Variants in IKZF1 observed in about 807,000 individuals in gnomAD.
IKZF1 encodes DNA-binding protein Ikaros.
In IKZF1, 10 loss-of-function variants were observed where a neutral mutation model predicts 51.7. The ratio of observed to expected loss-of-function variants is 0.19; its 90% CI spans 0.12 to 0.33. IKZF1 has a LOEUF of 0.33. Among genes scored for constraint, IKZF1 ranks in the 10% least tolerant of loss-of-function variants. IKZF1 has a pLI of 1.00. For missense variants in IKZF1, 484 were observed against 707.5 expected, an observed-to-expected ratio of 0.68 and a Z score of 3.58; for synonymous variants, 280 against 282.3, an observed-to-expected ratio of 0.99 and a Z score of 0.08.
At chr7:50,383,222 C>T (rs1812362193) in intron 5 of IKZF1, among the ~76,000 whole-genome samples, 1 of 152,190 alleles carries the variant, frequency 6.6e-6, no homozygotes, top group Admixed American at 6.5e-5. Flanking sequence ...CACCAAAAAC[C>T]AGCCAAGGCC....
In IKZF1 at chr7:50,350,305, C is replaced by A. The variant is rs529778821; in HGVS notation, c.160+22548C>A. Among the ~76,000 whole-genome samples, 3 of 152,348 alleles carry A rather than the reference C, an allele frequency of 2.0e-5. No individual in the cohort carries two copies. In the East Asian group the frequency reaches 5.8e-4, roughly 29 times the overall value. Reference sequence around the variant, plus strand: ...GTGGAGCCCAGCTCCAGAGGCTGGTCCCTGACTCTGTTTCTCAAGAAGCCT... The same window carrying A: ...GTGGAGCCCAGCTCCAGAGGCTGGTACCTGACTCTGTTTCTCAAGAAGCCT... On this transcript the variant is annotated intron_variant, in intron 3 of 7. Coordinates refer to ENST00000331340, the MANE Select transcript of IKZF1 (RefSeq NM_006060.6).
At chr7:50,372,439 T>A (rs1362352869) in intron 3 of IKZF1, among the ~76,000 whole-genome samples, 15 of 152,344 alleles carry the variant, frequency 9.8e-5, no homozygotes, top group Non-Finnish European at 4.4e-5. Context: ...TTAGAAGTTG[T>A]CCGAATAGTG....
chr7:50,361,543 G>A (rs1805235667), intron 3 of IKZF1, among the ~76,000 whole-genome samples: 1 of 152,150 alleles, frequency 6.6e-6, no homozygotes, highest in South Asian at 2.1e-4. Context: ...TCCAACCTCA[G>A]GATCCAGGAA....
intron 3 of IKZF1, among the ~76,000 whole-genome samples, chr7:50,335,350 T>C (rs1797424926): frequency 6.7e-6 from 1 of 148,250 alleles, no homozygotes; most frequent in African/African-American, 2.5e-5. Context: ...GTGTGTTGTG[T>C]ATGTGTGTGT....
At chr7:50,308,824 C>T (rs886245022) in intron 1 of IKZF1, 1 of 152,296 alleles carries the variant, frequency 6.6e-6, no homozygotes, top group Non-Finnish European at 1.5e-5. Context: ...GAGGGGAACT[C>T]CGAGCAGCCC....
intron 1 of IKZF1, among the ~76,000 whole-genome samples, chr7:50,317,830 T>C (rs1791978700): frequency 1.3e-5 from 2 of 152,174 alleles, no homozygotes; most frequent in Admixed American, 1.3e-4. Flanking sequence ...TTCAGCCTAA[T>C]TGAGAGGGTA....
In IKZF1 at chr7:50,356,919, A is replaced by C. The variant is rs534778627; in HGVS notation, c.161-19614A>C. The stretch of plus-strand genomic sequence containing the variant: ...AGGGCGGAAGATCACGGGGTGGCAG[A>C]AGGCCCGACTGTCCGGTCTTCTGGA... On this transcript the variant is annotated intron_variant, in intron 3 of 7. Coordinates refer to ENST00000331340, the MANE Select transcript of IKZF1 (RefSeq NM_006060.6). 9.3e-5 allele frequency among the ~76,000 whole-genome samples: 14 copies of C among 150,596 alleles called. No individual in the cohort carries two copies. The South Asian group carries it at 1.7e-3, about 18-fold the overall frequency.
rs114837302 is a variant in IKZF1, at chr7:50,402,053, C to T, written c.*1426C>T. The stretch of plus-strand genomic sequence containing the variant: ...CAAATGGCACTGCAGGTGAGAACCC[C>T]GCCCATCCGTGCTATGACATGGAGG... On this transcript the variant is annotated 3_prime_UTR_variant, in exon 8 of 8. Transcript: ENST00000331340. 8.1e-3 allele frequency: 1,876 copies of T among 230,200 alleles called. 42 individuals carry two copies. The highest frequency in any genetic ancestry group is 0.039 in the African/African-American group (1,780 of 45,260). The allele number at this position is 230,200 out of a possible 1,614,324, so 14.3% of individuals were successfully genotyped here. A position where few individuals can be genotyped will look rare whatever the true frequency, so the allele number is the denominator to read the frequency against.
At chr7:50,347,201 A>G (rs1800590622) in intron 3 of IKZF1, among the ~76,000 whole-genome samples, 1 of 152,200 alleles carries the variant, frequency 6.6e-6, no homozygotes, top group African/African-American at 2.4e-5. Context: ...TTGAGATGCT[A>G]TTTCCACAGC....
chr7:50,375,926 A>G (rs1810152033), intron 3 of IKZF1, among the ~76,000 whole-genome samples: 1 of 152,160 alleles, frequency 6.6e-6, no homozygotes. Context: ...CAACACAAAG[A>G]ACTTCCGGAA....
chr7:50,335,771 C>CTGTGGTGTAT (rs1797625284), intron 3 of IKZF1, among the ~76,000 whole-genome samples: 1 of 151,530 alleles, frequency 6.6e-6, no homozygotes, highest in Non-Finnish European at 1.5e-5. Flanking sequence ...TGTGGTGTGT[C>CTGTGGTGTAT]TGTGGTGTAT....
chr7:50,377,594 C>T (rs946265319), intron 4 of IKZF1, among the ~76,000 whole-genome samples: 2 of 152,226 alleles, frequency 1.3e-5, no homozygotes, highest in African/African-American at 4.8e-5. Context: ...TTCTAATAGC[C>T]GGTCACGTTG....
At chr7:50,321,034 T>A (rs184662493) in intron 2 of IKZF1, among the ~76,000 whole-genome samples, 265 of 152,300 alleles carry the variant, frequency 1.7e-3, no homozygotes, top group African/African-American at 5.8e-3. Context: ...CAAAGTATGA[T>A]CTCGTTCTTT....
At chr7:50,360,508 A>G (rs770602867) in intron 3 of IKZF1, among the ~76,000 whole-genome samples, 2 of 152,242 alleles carry the variant, frequency 1.3e-5, no homozygotes, top group Non-Finnish European at 2.9e-5. Context: ...AGCCAAGTCC[A>G]GCTTAACAGT....
At chr7:50,310,989 A>G (rs1790028989) in intron 1 of IKZF1, among the ~76,000 whole-genome samples, 1 of 152,356 alleles carries the variant, frequency 6.6e-6, no homozygotes, top group Non-Finnish European at 1.5e-5. Flanking sequence ...TTTTTGAATC[A>G]AATTCCATAT....
chr7:50,383,129 G>A (rs544873873), intron 5 of IKZF1, among the ~76,000 whole-genome samples: 161 of 152,216 alleles, frequency 1.1e-3, no homozygotes, highest in Non-Finnish European at 9.6e-4. Context: ...TTACACAGGT[G>A]TAATGGATAG....
At chr7:50,358,235 G>A (rs1804086896) in intron 3 of IKZF1, among the ~76,000 whole-genome samples, 1 of 152,248 alleles carries the variant, frequency 6.6e-6, no homozygotes, top group Admixed American at 6.5e-5. Flanking sequence ...CTTCGAAGAA[G>A]TGTTGTTGAT....
rs577721647 is a variant in IKZF1, at chr7:50,374,035, A to T, written c.161-2498A>T. 3.3e-5 allele frequency among the ~76,000 whole-genome samples: 5 copies of T among 152,330 alleles called. No homozygotes were observed. In the East Asian group the frequency reaches 9.6e-4, roughly 29 times the overall value. ...CAGGACAATCCTGCATAATGCCAGGATCTGATGGAGGAGACAGGCAGCTCT... is the reference window on the plus strand; with the variant it reads ...CAGGACAATCCTGCATAATGCCAGGTTCTGATGGAGGAGACAGGCAGCTCT... On this transcript the variant is annotated intron_variant, in intron 3 of 7. Coordinates refer to ENST00000331340, the MANE Select transcript of IKZF1 (RefSeq NM_006060.6).
intron 1 of IKZF1, among the ~76,000 whole-genome samples, chr7:50,307,637 A>T (rs1359117413): frequency 1.3e-5 from 2 of 152,266 alleles, no homozygotes; most frequent in African/African-American, 4.8e-5. Flanking sequence ...AAGATGTAAA[A>T]GCAACAAGTG....
Sources: allele counts gnomAD v4.1 joint callset (sites outside exome capture counted in the v4.1 genomes callset), GRCh38; gene constraint gnomAD v4.1.1; transcripts MANE v1.5; gene names NCBI Gene and HGNC (gene_info 2026-07-23, HGNC 2026-07-21).